The following ARHGAP24 variants were observed in gnomAD, a reference collection of about 807,000 sequenced individuals.
ARHGAP24 encodes rho GTPase-activating protein 24.
Under a neutral mutation model 76.4 loss-of-function variants are expected in ARHGAP24, and 50 were observed. The ratio of observed to expected loss-of-function variants is 0.65; its 90% CI spans 0.52 to 0.83. ARHGAP24 has a LOEUF of 0.83. Among genes scored for constraint, ARHGAP24 ranks in the 40% least tolerant of loss-of-function variants. The probability of loss-of-function intolerance (pLI) is 0.00; values close to 1 mark genes in which losing one functional copy is unlikely to be tolerated. For missense variants in ARHGAP24, 930 were observed against 914.2 expected, an observed-to-expected ratio of 1.02 and a Z score of -0.22; for synonymous variants, 345 against 323.3, an observed-to-expected ratio of 1.07 and a Z score of -0.72.
chr4:85,632,818 T>G (rs1394253567), intron 2 of ARHGAP24, among the ~76,000 whole-genome samples: 1 of 151,992 alleles, frequency 6.6e-6, no homozygotes, highest in East Asian at 1.9e-4. Flanking sequence ...TATATAAATG[T>G]TTTTAAATAT....
intron 1 of ARHGAP24, among the ~76,000 whole-genome samples, chr4:85,523,207 G>A (rs1264939578): frequency 6.6e-6 from 1 of 152,166 alleles, no homozygotes; most frequent in Admixed American, 6.5e-5. Context: ...TACATGTCTA[G>A]CACTTTCCCT....
chr4:85,766,631 A>G lies in ARHGAP24; in HGVS notation c.268+44659A>G, dbSNP rs145546335. Among the ~76,000 whole-genome samples, 492 of 152,304 alleles carry G rather than the reference A, an allele frequency of 3.2e-3. 2 individuals are homozygous for G. The highest frequency in any genetic ancestry group is 0.011 in the African/African-American group (465 of 41,580). On this transcript the variant is annotated intron_variant, in intron 3 of 9. Coordinates refer to ENST00000395184, the MANE Select transcript of ARHGAP24 (RefSeq NM_001025616.3). Reference sequence around the variant, plus strand: ...GTTCCTTGGAGACTAAAGACAGTGAACAACAAAACAGCATGTAAAAAAACA... The same window carrying G: ...GTTCCTTGGAGACTAAAGACAGTGAGCAACAAAACAGCATGTAAAAAAACA...
intron 3 of ARHGAP24, among the ~76,000 whole-genome samples, chr4:85,872,346 G>A (rs1421113290): frequency 6.6e-6 from 1 of 151,694 alleles, no homozygotes; most frequent in African/African-American, 2.4e-5. Context: ...CCCCAGGCTG[G>A]AGTGCAGTGG....
intron 1 of ARHGAP24, among the ~76,000 whole-genome samples, chr4:85,562,004 T>A (rs1246639484): frequency 6.6e-6 from 1 of 152,170 alleles, no homozygotes. Context: ...AACTGAGAAT[T>A]GAACTGAGAA....
chr4:85,847,382 G>T (rs1730950907), intron 3 of ARHGAP24, among the ~76,000 whole-genome samples: 2 of 152,056 alleles, frequency 1.3e-5, no homozygotes, highest in African/African-American at 2.4e-5. Context: ...AGACACAGAA[G>T]ATATTTAATA....
chr4:85,526,547 A>G (rs1261628387), intron 1 of ARHGAP24, among the ~76,000 whole-genome samples: 1 of 152,118 alleles, frequency 6.6e-6, no homozygotes, highest in Admixed American at 6.6e-5. Flanking sequence ...CAAAGCCACT[A>G]TTGAAGACTA....
intron 5 of ARHGAP24, among the ~76,000 whole-genome samples, chr4:85,950,812 A>G (rs1737571663): frequency 6.6e-6 from 1 of 151,920 alleles, no homozygotes; most frequent in Non-Finnish European, 1.5e-5. Context: ...CTGAGATTAC[A>G]GGTGCATGCC....
At chr4:85,885,423 T>C (rs912951651) in intron 3 of ARHGAP24, among the ~76,000 whole-genome samples, 1 of 152,104 alleles carries the variant, frequency 6.6e-6, no homozygotes, top group Admixed American at 6.6e-5. Context: ...CTATAGAAAC[T>C]CACGAATACC....
intron 3 of ARHGAP24, among the ~76,000 whole-genome samples, chr4:85,914,843 G>T (rs546386963): frequency 1.1e-4 from 16 of 152,266 alleles, no homozygotes; most frequent in African/African-American, 3.6e-4. Flanking sequence ...ACCAGGATTT[G>T]CTTTCTCTTG....
intron 2 of ARHGAP24, among the ~76,000 whole-genome samples, chr4:85,580,584 T>C (rs1483704480): frequency 2.0e-5 from 3 of 152,126 alleles, no homozygotes; most frequent in Non-Finnish European, 4.4e-5. Context: ...CCCCAAAATT[T>C]TCTTTGCTCT....
At chr4:85,933,762 C>G (rs192313239) in intron 4 of ARHGAP24, among the ~76,000 whole-genome samples, 3 of 152,296 alleles carry the variant, frequency 2.0e-5, no homozygotes, top group Admixed American at 1.3e-4. Flanking sequence ...GGTCTGAGCA[C>G]TTGGGTCTAG....
At chr4:85,922,929 C>T (rs898107864) in intron 3 of ARHGAP24, among the ~76,000 whole-genome samples, 2 of 152,210 alleles carry the variant, frequency 1.3e-5, no homozygotes, top group Admixed American at 1.3e-4. Context: ...GGGAAAAATA[C>T]TAGAGAAACC....
chr4:85,896,509 A>G (rs1044462047), intron 3 of ARHGAP24, among the ~76,000 whole-genome samples: 6 of 152,202 alleles, frequency 3.9e-5, no homozygotes. Flanking sequence ...GCTAATGGGT[A>G]GAATATACTG....
intron 1 of ARHGAP24, among the ~76,000 whole-genome samples, chr4:85,493,461 T>A (rs1723437781): frequency 6.6e-6 from 1 of 152,256 alleles, no homozygotes; most frequent in African/African-American, 2.4e-5. Flanking sequence ...TTCAATTATT[T>A]ATGTATATCA....
intron 2 of ARHGAP24, among the ~76,000 whole-genome samples, chr4:85,591,045 T>G (rs1489038797): frequency 1.5e-5 from 2 of 136,104 alleles, no homozygotes; most frequent in African/African-American, 5.6e-5. Flanking sequence ...TTTTTTTTTT[T>G]TTTTTTTTTT....
chr4:85,914,374 G>A (rs1326746599), intron 3 of ARHGAP24, among the ~76,000 whole-genome samples: 1 of 152,194 alleles, frequency 6.6e-6, no homozygotes, highest in Non-Finnish European at 1.5e-5. Flanking sequence ...TAAAAGCACA[G>A]ATTGCAGGGT....
chr4:85,585,036 A>G (rs759474876), intron 2 of ARHGAP24, among the ~76,000 whole-genome samples: 1 of 152,162 alleles, frequency 6.6e-6, no homozygotes, highest in Non-Finnish European at 1.5e-5. Flanking sequence ...CCATCTACTT[A>G]TATCTAATCC....
At chr4:85,529,299 T>G (rs1434664317) in intron 1 of ARHGAP24, among the ~76,000 whole-genome samples, 1 of 152,074 alleles carries the variant, frequency 6.6e-6, no homozygotes, top group Admixed American at 6.6e-5. Flanking sequence ...TAAGTCTGAT[T>G]AAATAAAGCA....
At chr4:85,586,620 C>T (rs926249427) in intron 2 of ARHGAP24, among the ~76,000 whole-genome samples, 1 of 152,072 alleles carries the variant, frequency 6.6e-6, no homozygotes, top group Non-Finnish European at 1.5e-5. Context: ...GAGAATTGGG[C>T]CGGGCGTGGT....
Sources: allele counts gnomAD v4.1 joint callset (sites outside exome capture counted in the v4.1 genomes callset), GRCh38; gene constraint gnomAD v4.1.1; transcripts MANE v1.5; gene names NCBI Gene and HGNC (gene_info 2026-07-23, HGNC 2026-07-21).